Variants in PRKG1 observed in about 807,000 individuals in gnomAD.
The protein encoded by PRKG1 is cGMP-dependent protein kinase 1.
PRKG1 carries 35 observed loss-of-function variants against 88.1 expected under a neutral mutation model. The ratio of observed to expected loss-of-function variants is 0.40; its 90% CI spans 0.30 to 0.53. The LOEUF (loss-of-function observed/expected upper bound fraction) is 0.53. PRKG1 is among the 20% of genes least tolerant of loss of function. The pLI, the probability that PRKG1 is intolerant of heterozygous loss-of-function variation, is 0.59. For missense variants in PRKG1, 540 were observed against 839.8 expected (o/e 0.64, Z 4.41); for synonymous variants, 303 against 292.5 (o/e 1.04, Z -0.37).
At chr10:51,547,139 T>C (rs1009631497) in intron 3 of PRKG1, among the ~76,000 whole-genome samples, 1 of 151,972 alleles carries the variant, frequency 6.6e-6, no homozygotes, top group South Asian at 2.1e-4. Flanking sequence ...CATACAGACA[T>C]GGAATAAATG....
intron 5 of PRKG1, among the ~76,000 whole-genome samples, chr10:51,991,054 C>T (rs1168182089): frequency 6.6e-6 from 1 of 151,906 alleles, no homozygotes; most frequent in Non-Finnish European, 1.5e-5. Flanking sequence ...GATCTTTTAC[C>T]TCCTTGGTTA....
At chr10:51,998,786 C>T (rs1008284039) in intron 5 of PRKG1, among the ~76,000 whole-genome samples, 1 of 152,140 alleles carries the variant, frequency 6.6e-6, no homozygotes, top group Non-Finnish European at 1.5e-5. Flanking sequence ...AAGCATTCAG[C>T]ATCTTTTAAA....
At chr10:51,422,359 G>T (rs375367639) in intron 2 of PRKG1, among the ~76,000 whole-genome samples, 1 of 152,236 alleles carries the variant, frequency 6.6e-6, no homozygotes, top group Non-Finnish European at 1.5e-5. Context: ...AGTCCTAGAC[G>T]TTTAGCATGA....
rs143607423 is a variant in PRKG1, at chr10:51,446,625, C to A, written c.479-21098C>A. On this transcript the variant is annotated intron_variant, in intron 2 of 17. Coordinates refer to ENST00000373980, the MANE Select transcript of PRKG1 (RefSeq NM_006258.4). The stretch of plus-strand genomic sequence containing the variant: ...ACCAAATTATGTAAAGGAAAGTTGC[C>A]ACCTTGAATTTTAAATCAAAGGAAA... Among the ~76,000 whole-genome samples the A allele has an allele frequency of 9.9e-5, 15 of 152,066 alleles. No homozygotes were observed. The South Asian group carries it at 2.5e-3, about 25-fold the overall frequency.
intron 2 of PRKG1, among the ~76,000 whole-genome samples, chr10:51,458,100 C>T (rs1432032574): frequency 6.6e-6 from 1 of 152,102 alleles, no homozygotes. Context: ...TAGATAAGTG[C>T]TTGTTGTACA....
chr10:51,127,359 G>A (rs1845455480), intron 1 of PRKG1, among the ~76,000 whole-genome samples: 1 of 152,068 alleles, frequency 6.6e-6, no homozygotes, highest in African/African-American at 2.4e-5. Context: ...TATGAAAAAA[G>A]CTCAACATCA....
intron 3 of PRKG1, among the ~76,000 whole-genome samples, chr10:51,725,007 G>A (rs530337996): frequency 1.3e-5 from 2 of 151,882 alleles, no homozygotes; most frequent in East Asian, 3.9e-4. Context: ...ACTGCACCTG[G>A]CCTCATTTAT....
At chr10:51,697,696 C>T in intron 3 of PRKG1, 1 of 1,613,722 alleles carries the variant, frequency 6.2e-7, no homozygotes. Context: ...TTTCTAAAAC[C>T]TTTCAAGACG....
At position 51,633,860 on chromosome 10, in the gene PRKG1, G is replaced by T. The variant is rs142285860; in HGVS notation, c.592+166024G>T. 2.8e-3 allele frequency among the ~76,000 whole-genome samples: 433 copies of T among 152,216 alleles called. 1 individual carries two copies. Among genetic ancestry groups the T allele is most frequent in the Middle Eastern group, 0.01 (3 of 294 alleles). On this transcript the variant is annotated intron_variant, in intron 3 of 17. Transcript: ENST00000373980. Reference sequence around the variant, plus strand: ...TGATCCATAAGCTATTTGGCCTATTGGTTGTCAACTGATGACCCCTCCACT... The same window carrying T: ...TGATCCATAAGCTATTTGGCCTATTTGTTGTCAACTGATGACCCCTCCACT...
chr10:52,158,613 T>C (rs912055694), intron 8 of PRKG1, among the ~76,000 whole-genome samples: 2 of 151,654 alleles, frequency 1.3e-5, no homozygotes, highest in African/African-American at 4.8e-5. Flanking sequence ...TAATATTACT[T>C]GAAAATTCTA....
At chr10:51,219,608 G>GC (rs1157336913) in intron 2 of PRKG1, among the ~76,000 whole-genome samples, 1 of 151,828 alleles carries the variant, frequency 6.6e-6, no homozygotes, top group Non-Finnish European at 1.5e-5. Context: ...TACTCAGGAG[G>GC]CTGAGACACG....
intron 1 of PRKG1, among the ~76,000 whole-genome samples, chr10:51,087,510 A>G (rs1017884694): frequency 6.6e-6 from 1 of 152,206 alleles, no homozygotes; most frequent in African/African-American, 2.4e-5. Flanking sequence ...ATGCAGGGTT[A>G]TGTAAGCCCA....
At chr10:51,303,582 G>A (rs1038955074) in intron 2 of PRKG1, among the ~76,000 whole-genome samples, 10 of 151,750 alleles carry the variant, frequency 6.6e-5, no homozygotes, top group South Asian at 6.2e-4. Context: ...AAAAATTCTC[G>A]TCTTACTGGG....
intron 2 of PRKG1, among the ~76,000 whole-genome samples, chr10:51,205,676 G>C (rs943897224): frequency 6.6e-6 from 1 of 151,486 alleles, no homozygotes; most frequent in Non-Finnish European, 1.5e-5. Flanking sequence ...GCTGGGACTA[G>C]AGGCGCTGCC....
chr10:51,237,342 C>G (rs1312336342), intron 2 of PRKG1, among the ~76,000 whole-genome samples: 1 of 152,142 alleles, frequency 6.6e-6, no homozygotes, highest in Non-Finnish European at 1.5e-5. Context: ...AATGAAAGCG[C>G]AGGGCTCTAG....
chr10:52,035,668 C>T (rs532179200), intron 5 of PRKG1, among the ~76,000 whole-genome samples: 38 of 152,100 alleles, frequency 2.5e-4, no homozygotes, highest in African/African-American at 7.7e-4. Context: ...CCAGGAACAA[C>T]GGTAATTGTG....
intron 4 of PRKG1, among the ~76,000 whole-genome samples, chr10:51,809,067 A>T (rs917828922): frequency 1.9e-4 from 29 of 152,224 alleles, no homozygotes; most frequent in Non-Finnish European, 2.9e-5. Context: ...TGCACTGCTA[A>T]CAGGCAAGAG....
intron 2 of PRKG1, among the ~76,000 whole-genome samples, chr10:51,185,189 C>T (rs1837454553): frequency 6.6e-6 from 1 of 152,066 alleles, no homozygotes; most frequent in Admixed American, 6.6e-5. Flanking sequence ...TCTCTTTTAT[C>T]ATCTGTAAAA....
chr10:51,546,422 G>A (rs1413715185), intron 3 of PRKG1, among the ~76,000 whole-genome samples: 2 of 151,958 alleles, frequency 1.3e-5, no homozygotes, highest in Non-Finnish European at 2.9e-5. Flanking sequence ...ACCAGAAAAC[G>A]GTTTATCCTC....
Sources: allele counts gnomAD v4.1 joint callset (sites outside exome capture counted in the v4.1 genomes callset), GRCh38; gene constraint gnomAD v4.1.1; transcripts MANE v1.5; gene names NCBI Gene and HGNC (gene_info 2026-07-23, HGNC 2026-07-21).